Variants in TACC2 observed in about 807,000 individuals in gnomAD.
TACC2 encodes transforming acidic coiled-coil containing protein 2.
Under a neutral mutation model 227.3 loss-of-function variants are expected in TACC2, and 137 were observed. The ratio of observed to expected loss-of-function variants is 0.60; its 90% CI spans 0.52 to 0.69. The LOEUF is 0.69. TACC2 is among the 30% of genes least tolerant of loss of function. TACC2 has a pLI of 0.00. For synonymous variants in TACC2, 1,523 were observed against 1,487.5 expected, an observed-to-expected ratio of 1.02 and a Z score of -0.55; for missense variants, 3,470 against 3,694.4, an observed-to-expected ratio of 0.94 and a Z score of 1.57.
chr10:122,183,076 G>T (rs1433327931), intron 7 of TACC2, among the ~76,000 whole-genome samples: 1 of 152,140 alleles, frequency 6.6e-6, no homozygotes, highest in Non-Finnish European at 1.5e-5. Flanking sequence ...GTGGTGGCAC[G>T]TGCCTGTAAT....
intron 1 of TACC2, among the ~76,000 whole-genome samples, chr10:122,005,197 T>C (rs1217094020): frequency 6.6e-6 from 1 of 151,586 alleles, no homozygotes; most frequent in Non-Finnish European, 1.5e-5. Flanking sequence ...TTCTCCTGCC[T>C]CAGCCTCCCG....
chr10:122,164,783 G>C lies in TACC2; in HGVS notation c.5834+21077G>C, dbSNP rs373473686. Among the ~76,000 whole-genome samples the C allele has an allele frequency of 4.6e-5, 7 of 152,198 alleles. No homozygotes were observed. The South Asian group carries it at 1.0e-3, about 23-fold the overall frequency. On this transcript the variant is annotated intron_variant, in intron 7 of 22. Coordinates refer to ENST00000369005, the MANE Select transcript of TACC2 (RefSeq NM_206862.4). ...GCTTGTATCCAAAGTGGACCTCCCA[G>C]CCTCACCTGCCCCCACTTTTCCAGA...
intron 12 of TACC2, among the ~76,000 whole-genome samples, chr10:122,226,009 G>A (rs2095621015): frequency 6.6e-6 from 1 of 152,164 alleles, no homozygotes; most frequent in South Asian, 2.1e-4. Context: ...CTAGGCTCTT[G>A]CCCTACCTCT....
intron 8 of TACC2, among the ~76,000 whole-genome samples, chr10:122,202,239 T>A (rs12773310): frequency 0.25 from 37,046 of 149,446 alleles, 5,409 homozygotes; most frequent in Non-Finnish European, 0.33. Context: ...ACTTTTTACA[T>A]CTTCAAACTC....
chr10:122,082,753 C>A lies in TACC2; in HGVS notation c.253C>A (p.Gln85Lys), dbSNP rs1464196742. 6.2e-7 allele frequency: 1 copy of A among 1,614,028 alleles called. No homozygotes were observed. Among genetic ancestry groups the A allele is most frequent in the East Asian group, 2.2e-5 (1 of 44,856 alleles). Reference sequence around the variant, plus strand: ...GGTGACTGAGCCAAGGAAGGACCCACAGGGAGCCAGGGGGCCAGAAGGTTC... The same window carrying A: ...GGTGACTGAGCCAAGGAAGGACCCAAAGGGAGCCAGGGGGCCAGAAGGTTC... ...PEVTEPRKDPQGARGPEGSLL... is the reference protein window; with the variant it reads ...PEVTEPRKDPKGARGPEGSLL... Residue 85 changes from glutamine to lysine, a missense_variant, in exon 4 of 23, where the codon CAG becomes AAG. Transcript: ENST00000369005.
In TACC2 at chr10:122,045,333, C is replaced by T. The variant is rs144633631; in HGVS notation, c.34-5105C>T. 3.3e-5 allele frequency among the ~76,000 whole-genome samples: 5 copies of T among 152,296 alleles called. No homozygotes were observed. In the East Asian group the frequency reaches 7.7e-4, roughly 24 times the overall value. On this transcript the variant is annotated intron_variant, in intron 2 of 22. Transcript: ENST00000369005. ...TAGAGCAACGAATTCCACTGTATGG[C>T]GAAGCAGCGTAAGGCAGGGACAAGA...
rs143018499 is a variant in TACC2, at chr10:122,004,508, G to A, written c.-46+15020G>A. Among the ~76,000 whole-genome samples, 38 of 152,056 alleles carry A rather than the reference G, an allele frequency of 2.5e-4. 1 individual carries two copies. In the East Asian group the frequency reaches 7.3e-3, roughly 29 times the overall value. Reference sequence around the variant, plus strand: ...GTACAACCTAAGGTTAGCCTTTTAAGATGTTTTCAGAGTTTGGCATTTCTG... The same window carrying A: ...GTACAACCTAAGGTTAGCCTTTTAAAATGTTTTCAGAGTTTGGCATTTCTG... On this transcript the variant is annotated intron_variant, in intron 1 of 22. Transcript: ENST00000369005.
chr10:122,248,536 A>G (rs1171592598), intron 19 of TACC2, 107 bp from the exon 20 acceptor site: 29 of 1,311,970 alleles, frequency 2.2e-5, no homozygotes, highest in African/African-American at 5.9e-5. Context: ...GGGGTTTGAG[A>G]TGCCCCCACT....
In TACC2 at chr10:122,237,503, G is replaced by C. The variant is rs75671139; in HGVS notation, c.8236G>C (p.Asp2746His). 1 of 1,613,890 alleles carries C rather than the reference G, an allele frequency of 6.2e-7. No individual in the cohort carries two copies. The highest frequency in any genetic ancestry group is 1.3e-5 in the African/African-American group (1 of 74,902). ...TGCAGGCCTTCTGTTCCAGCAGCCC[G>C]ACCTGGACTCTGCCCTCCAGATCGC... is the stretch of plus-strand genomic sequence containing the variant. The part of the protein sequence containing the change: ...KPAGLLFQQP[D>H]LDSALQIARA... Residue 2746 changes from aspartate (D) to histidine (H), a missense_variant, in exon 17 of 23, where the codon GAC becomes CAC. By Grantham distance (81) the Asp-to-His change is moderately conservative. Coordinates refer to ENST00000369005, the MANE Select transcript of TACC2 (RefSeq NM_206862.4).
chr10:122,110,070 G>C (rs928025847), intron 5 of TACC2, among the ~76,000 whole-genome samples: 1 of 152,112 alleles, frequency 6.6e-6, no homozygotes, highest in Admixed American at 6.5e-5. Context: ...AGAAACCCTA[G>C]GACTCTGCAG....
chr10:122,006,938 C>T (rs1310167770), intron 1 of TACC2, among the ~76,000 whole-genome samples: 2 of 150,474 alleles, frequency 1.3e-5, no homozygotes, highest in Admixed American at 6.6e-5. Flanking sequence ...CTTGGCTCAC[C>T]GCAACCTCTG....
intron 2 of TACC2, among the ~76,000 whole-genome samples, chr10:122,048,403 T>C (rs12267690): frequency 0.32 from 38,437 of 121,720 alleles, 5,755 homozygotes; most frequent in East Asian, 0.51. Context: ...TTTCCTTCCT[T>C]CCTCCCTCCC....
At position 122,219,678 on chromosome 10, in the gene TACC2, G is replaced by T. The variant is rs560436613; in HGVS notation, c.7546+2850G>T. ...ACTTGGCCATTTTGATAGCACCTAT[G>T]GTGGGTTACATCTCTTGAGCTTGGT... On this transcript the variant is annotated intron_variant, in intron 11 of 22. Transcript: ENST00000369005. Among the ~76,000 whole-genome samples the T allele has an allele frequency of 2.0e-5, 3 of 152,126 alleles. No individual in the cohort carries two copies. The South Asian group carries it at 6.2e-4, about 32-fold the overall frequency.
rs781195910 is a variant in TACC2, at chr10:122,249,106, G to A, written c.8610G>A (p.Glu2870=). Residue 2870 remains glutamate (E), a synonymous_variant, in exon 21 of 23, where the codon GAG becomes GAA. Transcript: ENST00000369005. The part of the protein sequence containing the change: ...AQEYLSRVKK[E]EQRYQALKVH... ...AGTACCTGTCCCGGGTGAAGAAGGA[G>A]GAGCAGAGGTACCAGGCCCTGAAGG... is the stretch of plus-strand genomic sequence containing the variant. The A allele has an allele frequency of 3.7e-6, 6 of 1,613,372 alleles. No homozygotes were observed. In the Admixed American group the frequency reaches 1.0e-4, roughly 27 times the overall value.
At chr10:122,133,748 C>T (rs892297573) in intron 6 of TACC2, among the ~76,000 whole-genome samples, 6 of 152,154 alleles carry the variant, frequency 3.9e-5, no homozygotes, top group South Asian at 2.1e-4. Flanking sequence ...TGCAGTCACC[C>T]GTTGTGCCCC....
intron 5 of TACC2, among the ~76,000 whole-genome samples, chr10:122,107,880 A>T (rs78973604): frequency 0.6 from 60,590 of 101,592 alleles, 16,307 homozygotes; most frequent in South Asian, 0.68. Context: ...ATATATATAT[A>T]TTTTTTTTTT....
At chr10:122,243,931 A>T (rs2096059023) in intron 19 of TACC2, among the ~76,000 whole-genome samples, 1 of 152,236 alleles carries the variant, frequency 6.6e-6, no homozygotes, top group African/African-American at 2.4e-5. Context: ...GGCGAAGTTG[A>T]TATAAACAGA....
In TACC2 at chr10:122,082,988, C is replaced by A; in HGVS notation, c.488C>A (p.Pro163Gln). 1.2e-6 allele frequency: 2 copies of A among 1,612,838 alleles called. No individual in the cohort carries two copies. Among genetic ancestry groups the A allele is most frequent in the Non-Finnish European group, 1.7e-6 (2 of 1,180,018 alleles). ...CCCGCTGAGAGGGACAGCTCTACTCCATACCAAGAGATTGCTGCCGTCCCC... is the reference window on the plus strand; with the variant it reads ...CCCGCTGAGAGGGACAGCTCTACTCAATACCAAGAGATTGCTGCCGTCCCC... Reference protein sequence around the residue: ...AFPAERDSSTPYQEIAAVPSA... With the variant: ...AFPAERDSSTQYQEIAAVPSA... Residue 163 changes from proline to glutamine, a missense_variant, in exon 4 of 23, where the codon CCA (proline) becomes CAA (glutamine). Transcript: ENST00000369005.
chr10:122,128,820 C>T (rs2087398638), intron 5 of TACC2, among the ~76,000 whole-genome samples: 1 of 152,218 alleles, frequency 6.6e-6, no homozygotes, highest in East Asian at 1.9e-4. Flanking sequence ...TTACCGTTAA[C>T]ACCTTGGCAA....
Sources: allele counts gnomAD v4.1 joint callset (sites outside exome capture counted in the v4.1 genomes callset), GRCh38; gene constraint gnomAD v4.1.1; transcripts MANE v1.5; gene names NCBI Gene and HGNC (gene_info 2026-07-23, HGNC 2026-07-21).